ACTR3: variants seen among roughly 807,000 people sequenced by gnomAD.
The protein encoded by ACTR3 is actin-related protein 3.
A neutral mutation model predicts 56.8 loss-of-function variants in ACTR3; 12 were observed. The observed-to-expected ratio is 0.21, with a 90% CI of 0.14 to 0.34. The LOEUF (loss-of-function observed/expected upper bound fraction) is 0.34, where lower values mean the gene tolerates loss of function less well. ACTR3 is among the 10% of genes least tolerant of loss of function. ACTR3 has a pLI of 1.00. For missense variants in ACTR3, 282 were observed against 512.5 expected (o/e 0.55, Z 4.34); for synonymous variants, 162 against 167.4 (o/e 0.97, Z 0.25).
chr2:113,928,252 A>G (rs2104606403), intron 4 of ACTR3, among the ~76,000 whole-genome samples: 1 of 152,280 alleles, frequency 6.6e-6, no homozygotes, highest in Non-Finnish European at 1.5e-5. Flanking sequence ...CATACTATGG[A>G]CACTCATACA....
intron 6 of ACTR3, 65 bp downstream of exon 6, chr2:113,934,451 C>A: frequency 9.5e-7 from 1 of 1,052,502 alleles, no homozygotes; most frequent in Non-Finnish European, 1.4e-6. Flanking sequence ...TTAAATTATA[C>A]GAATTAATGT....
At chr2:113,923,335 TTTGTTTGTTTGTTTG>T (rs1435961338) in intron 3 of ACTR3, among the ~76,000 whole-genome samples, 2 of 151,398 alleles carry the variant, frequency 1.3e-5, no homozygotes, top group Non-Finnish European at 2.9e-5. Context: ...TGTTTGTTTG[TTTGTTTGTTTGTTTG>T]TTTTTGAGAC....
At chr2:113,952,386 A>T (rs1321021501) in intron 10 of ACTR3, 1 of 152,222 alleles carries the variant, frequency 6.6e-6, no homozygotes, top group Non-Finnish European at 1.5e-5. Flanking sequence ...TTAGATGTCT[A>T]CTTTCTATAT....
chr2:113,916,866 G>A lies in ACTR3; in HGVS notation c.101-18G>A, dbSNP rs1475638990. 1.3e-6 allele frequency: 2 copies of A among 1,582,134 alleles called. No homozygotes were observed. Among genetic ancestry groups the A allele is most frequent in the African/African-American group, 1.4e-5 (1 of 73,352 alleles). ...TTGAGGAAAATGAATTCTTTGACAT[G>A]TCTAACTTATTTTAAAGGTATTGCT... is the stretch of plus-strand genomic sequence containing the variant. On this transcript the variant is annotated intron_variant, in intron 2 of 11. Coordinates refer to ENST00000263238, the MANE Select transcript of ACTR3 (RefSeq NM_005721.5).
At chr2:113,911,307 A>T (rs200813920) in intron 1 of ACTR3, among the ~76,000 whole-genome samples, 42 of 148,120 alleles carry the variant, frequency 2.8e-4, no homozygotes, top group East Asian at 7.8e-4. Context: ...TTTTTTTTTT[A>T]AAACGTGAAC....
intron 4 of ACTR3, among the ~76,000 whole-genome samples, chr2:113,927,928 C>G (rs115488868): frequency 6.6e-6 from 1 of 152,138 alleles, no homozygotes; most frequent in South Asian, 2.1e-4. Context: ...TTTCTTACCT[C>G]TCCCAACCTT....
In ACTR3 at chr2:113,913,632, C is replaced by G. The variant is rs531657205; in HGVS notation, c.100+405C>G. Among the ~76,000 whole-genome samples, 8 of 152,256 alleles carry G rather than the reference C, an allele frequency of 5.3e-5. 1 individual carries two copies. Among genetic ancestry groups the G allele is most frequent in the African/African-American group, 1.7e-4 (7 of 41,542 alleles). ...TGTAGGGCCCGTATCTGTTGACGTC[C>G]TCACTAAGTGCCCATGTTTCAAAAT... On this transcript the variant is annotated intron_variant, in intron 2 of 11. Coordinates refer to ENST00000263238, the MANE Select transcript of ACTR3 (RefSeq NM_005721.5).
rs1680293523 is a variant in ACTR3, at chr2:113,959,778, A to G, written c.*2323A>G. 6.6e-6 allele frequency: 1 copy of G among 152,064 alleles called. No individual in the cohort carries two copies. The highest frequency in any genetic ancestry group is 2.4e-5 in the African/African-American group (1 of 41,454). 9.4% of individuals were successfully genotyped at this position (152,064 alleles called of 1,614,324 possible). On this transcript the variant is annotated 3_prime_UTR_variant, in exon 12 of 12. Coordinates refer to ENST00000263238, the MANE Select transcript of ACTR3 (RefSeq NM_005721.5). ...CTAAATAGTCTGTAACATTGATTAG[A>G]TATCAAGCAACGTGAGCATGGTAGC... is the stretch of plus-strand genomic sequence containing the variant.
At chr2:113,943,943 G>A (rs1049482456) in intron 8 of ACTR3, among the ~76,000 whole-genome samples, 5 of 152,156 alleles carry the variant, frequency 3.3e-5, no homozygotes, top group African/African-American at 7.2e-5. Context: ...ACACAGACAC[G>A]TGGACAGGCT....
intron 1 of ACTR3, chr2:113,904,746 A>G (rs1441105706): frequency 3.3e-5 from 5 of 152,144 alleles, no homozygotes; most frequent in Non-Finnish European, 5.9e-5. Flanking sequence ...CCTCCCTCCA[A>G]CTAGTAATGT....
At chr2:113,949,744 G>A (rs886406233) in intron 8 of ACTR3, among the ~76,000 whole-genome samples, 5 of 151,958 alleles carry the variant, frequency 3.3e-5, no homozygotes, top group African/African-American at 1.2e-4. Context: ...TAAATTTTTT[G>A]TAGAGACAGG....
intron 1 of ACTR3, among the ~76,000 whole-genome samples, chr2:113,899,317 T>C (rs978600967): frequency 1.3e-5 from 2 of 152,210 alleles, no homozygotes; most frequent in Non-Finnish European, 2.9e-5. Flanking sequence ...TTACTTACTG[T>C]AATTATTTTA....
chr2:113,898,348 C>T (rs1320710099), intron 1 of ACTR3, among the ~76,000 whole-genome samples: 1 of 152,064 alleles, frequency 6.6e-6, no homozygotes, highest in Non-Finnish European at 1.5e-5. Context: ...TTAATCCAGT[C>T]TTCATTTACA....
intron 1 of ACTR3, among the ~76,000 whole-genome samples, chr2:113,910,357 C>G (rs891845654): frequency 6.6e-6 from 1 of 152,106 alleles, no homozygotes; most frequent in African/African-American, 2.4e-5. Flanking sequence ...CACACCTCAC[C>G]CTGTGTGTGT....
chr2:113,904,470 A>C (rs548865056), intron 1 of ACTR3: 3 of 152,202 alleles, frequency 2.0e-5, no homozygotes, highest in African/African-American at 7.2e-5. Flanking sequence ...GTTTGTATGA[A>C]TATAACACTC....
chr2:113,933,373 G>T (rs1679758329), intron 5 of ACTR3, among the ~76,000 whole-genome samples: 1 of 152,194 alleles, frequency 6.6e-6, no homozygotes, highest in South Asian at 2.1e-4. Context: ...GCCGGGTGTG[G>T]TGGTGGGCAC....
chr2:113,901,415 C>T (rs964588419), intron 1 of ACTR3, among the ~76,000 whole-genome samples: 1 of 152,140 alleles, frequency 6.6e-6, no homozygotes, highest in Non-Finnish European at 1.5e-5. Flanking sequence ...TATTGTATGA[C>T]GAAAACTGGG....
At chr2:113,925,471 C>G (rs982796542) in intron 3 of ACTR3, among the ~76,000 whole-genome samples, 13 of 152,138 alleles carry the variant, frequency 8.5e-5, no homozygotes, top group African/African-American at 3.1e-4. Flanking sequence ...GCTGGGATTA[C>G]AGGCATGAGC....
intron 2 of ACTR3, among the ~76,000 whole-genome samples, chr2:113,914,640 A>AAAAG (rs1168907656): frequency 6.6e-6 from 1 of 151,610 alleles, no homozygotes. Context: ...AAAAGAAAGA[A>AAAAG]AAAGAAAAGA....
Sources: gnomAD v4.1 joint callset for allele counts (sites outside exome capture counted in the v4.1 genomes callset) on GRCh38, gnomAD v4.1.1 for gene constraint, MANE v1.5 for transcripts, NCBI Gene and HGNC (gene_info 2026-07-23, HGNC 2026-07-21) for gene names.